The following NLGN1 variants were observed in gnomAD, a reference collection of about 807,000 sequenced individuals.
NLGN1 encodes neuroligin 1.
In NLGN1, 12 loss-of-function variants were observed where a neutral mutation model predicts 65.5. That is an observed-to-expected ratio of 0.18 (90% confidence interval 0.12 to 0.30). The LOEUF (loss-of-function observed/expected upper bound fraction) is 0.30, where lower values mean the gene tolerates loss of function less well. Among genes scored for constraint, NLGN1 ranks in the 10% least tolerant of loss-of-function variants. The pLI is 1.00. For synonymous variants in NLGN1, 350 were observed against 359.5 expected, an observed-to-expected ratio of 0.97 and a Z score of 0.30; for missense variants, 750 against 1,007.1, an observed-to-expected ratio of 0.74 and a Z score of 3.46.
chr3:173,967,225 T>C (rs1715086016), intron 4 of NLGN1, among the ~76,000 whole-genome samples: 1 of 152,142 alleles, frequency 6.6e-6, no homozygotes, highest in Admixed American at 6.5e-5. Flanking sequence ...TCTAAGGCCT[T>C]TAAGCAGTGT....
chr3:173,730,725 A>G (rs1411933078), intron 3 of NLGN1, among the ~76,000 whole-genome samples: 1 of 152,136 alleles, frequency 6.6e-6, no homozygotes, highest in East Asian at 1.9e-4. Flanking sequence ...AAAATGAGGA[A>G]ATAGGCAAAT....
intron 4 of NLGN1, among the ~76,000 whole-genome samples, chr3:174,012,696 A>C (rs2152443976): frequency 6.6e-6 from 1 of 152,286 alleles, no homozygotes; most frequent in South Asian, 2.1e-4. Flanking sequence ...TTGGGGTCAA[A>C]TATTGGTCAT....
chr3:173,683,712 T>C (rs1764288428), intron 3 of NLGN1, among the ~76,000 whole-genome samples: 1 of 152,204 alleles, frequency 6.6e-6, no homozygotes, highest in Non-Finnish European at 1.5e-5. Context: ...TTCACTTAGT[T>C]GATACGATCA....
At chr3:174,115,111 A>G (rs1401878589) in intron 4 of NLGN1, among the ~76,000 whole-genome samples, 1 of 152,130 alleles carries the variant, frequency 6.6e-6, no homozygotes, top group Non-Finnish European at 1.5e-5. Flanking sequence ...AAAATTAATT[A>G]TATTTTGATT....
At chr3:173,637,355 A>G (rs1421265384) in intron 3 of NLGN1, among the ~76,000 whole-genome samples, 1 of 152,188 alleles carries the variant, frequency 6.6e-6, no homozygotes, top group African/African-American at 2.4e-5. Context: ...TAAAAGGAAT[A>G]GTGGACAGAG....
chr3:173,937,752 T>G (rs569876451), intron 4 of NLGN1, among the ~76,000 whole-genome samples: 5 of 152,280 alleles, frequency 3.3e-5, no homozygotes, highest in Non-Finnish European at 5.9e-5. Context: ...TGTTGGGGTT[T>G]TGTAAAAATG....
chr3:173,638,391 A>G (rs928684369), intron 3 of NLGN1, among the ~76,000 whole-genome samples: 10 of 151,574 alleles, frequency 6.6e-5, no homozygotes, highest in Non-Finnish European at 1.3e-4. Flanking sequence ...ATAAAATGAA[A>G]AAAAAAAACC....
intron 4 of NLGN1, among the ~76,000 whole-genome samples, chr3:173,980,389 A>G (rs1718503933): frequency 2.0e-5 from 3 of 151,898 alleles, no homozygotes; most frequent in South Asian, 4.1e-4. Flanking sequence ...AAATTATTCC[A>G]TGTTGCTATA....
chr3:173,988,669 C>T (rs1720455071), intron 4 of NLGN1, among the ~76,000 whole-genome samples: 1 of 152,122 alleles, frequency 6.6e-6, no homozygotes. Flanking sequence ...AATTAACCTT[C>T]TCTCTTCTAC....
chr3:174,176,352 A>T (rs1729441653), intron 4 of NLGN1, among the ~76,000 whole-genome samples: 1 of 151,936 alleles, frequency 6.6e-6, no homozygotes, highest in South Asian at 2.1e-4. Flanking sequence ...AAAGTATTAA[A>T]TTTTTACTGT....
chr3:173,762,874 C>A (rs1778187483), intron 3 of NLGN1, among the ~76,000 whole-genome samples: 1 of 151,496 alleles, frequency 6.6e-6, no homozygotes, highest in African/African-American at 2.4e-5. Context: ...ACAGAAGTTC[C>A]AAATGCTAAT....
intron 4 of NLGN1, among the ~76,000 whole-genome samples, chr3:174,069,294 A>G (rs1739322468): frequency 6.6e-6 from 1 of 152,186 alleles, no homozygotes; most frequent in African/African-American, 2.4e-5. Context: ...GCTAAATAAT[A>G]AAAAGTTTTT....
intron 4 of NLGN1, among the ~76,000 whole-genome samples, chr3:174,160,752 T>G (rs1726339047): frequency 1.3e-5 from 2 of 151,472 alleles, no homozygotes; most frequent in Admixed American, 1.3e-4. Flanking sequence ...ATAGTTTTAT[T>G]CATCCCCCCA....
intron 2 of NLGN1, among the ~76,000 whole-genome samples, chr3:173,574,515 CTAA>C (rs1414505633): frequency 1.3e-5 from 2 of 151,954 alleles, no homozygotes; most frequent in Non-Finnish European, 2.9e-5. Context: ...ATTGAAAATA[CTAA>C]TTCCAAAACA....
At chr3:173,947,687 CTTAGAAT>C (rs1747455080) in intron 4 of NLGN1, among the ~76,000 whole-genome samples, 1 of 151,978 alleles carries the variant, frequency 6.6e-6, no homozygotes, top group African/African-American at 2.4e-5. Context: ...TGAACATTCA[CTTAGAAT>C]TTATTTTTAG....
chr3:174,063,024 T>G (rs1395671761), intron 4 of NLGN1, among the ~76,000 whole-genome samples: 1 of 152,062 alleles, frequency 6.6e-6, no homozygotes, highest in Non-Finnish European at 1.5e-5. Context: ...CTTTGGAAAG[T>G]TTCCTCTGAA....
At chr3:173,898,938 A>T (rs1247677533) in intron 4 of NLGN1, among the ~76,000 whole-genome samples, 56 of 152,296 alleles carry the variant, frequency 3.7e-4, no homozygotes, top group Admixed American at 2.8e-3. Context: ...CACCAAAACA[A>T]TAGCAATAAT....
chr3:174,072,519 G>C (rs1257741022), intron 4 of NLGN1, among the ~76,000 whole-genome samples: 1 of 152,164 alleles, frequency 6.6e-6, no homozygotes, highest in Non-Finnish European at 1.5e-5. Flanking sequence ...CCATGAAAGT[G>C]TGGGGCACAT....
At chr3:173,825,748 A>T (rs1218332643) in intron 4 of NLGN1, among the ~76,000 whole-genome samples, 3 of 152,096 alleles carry the variant, frequency 2.0e-5, no homozygotes, top group Non-Finnish European at 4.4e-5. Flanking sequence ...TTGATCTTTT[A>T]TATCAGATCC....
Sources: gnomAD v4.1 joint callset for allele counts (sites outside exome capture counted in the v4.1 genomes callset) on GRCh38, gnomAD v4.1.1 for gene constraint, MANE v1.5 for transcripts, NCBI Gene and HGNC (gene_info 2026-07-23, HGNC 2026-07-21) for gene names.